FAM83B: variants seen among roughly 807,000 people sequenced by gnomAD.
The protein encoded by FAM83B is protein FAM83B.
Under a neutral mutation model 38.8 loss-of-function variants are expected in FAM83B, and 26 were observed. That is an observed-to-expected ratio of 0.67 (90% CI 0.49 to 0.93). The LOEUF (loss-of-function observed/expected upper bound fraction) is 0.93. FAM83B is among the 40% of genes least tolerant of loss of function. The pLI is 0.00. For missense variants in FAM83B, 1,237 were observed against 1,197.3 expected (o/e 1.03, Z -0.49); for synonymous variants, 419 against 423.1 (o/e 0.99, Z 0.12).
At chr6:54,871,412 C>G (rs1910355) in intron 2 of FAM83B, among the ~76,000 whole-genome samples, 1 of 151,666 alleles carries the variant, frequency 6.6e-6, no homozygotes, top group Non-Finnish European at 1.5e-5. Context: ...CAAGCTCAAT[C>G]TAGAGTTTTA....
chr6:54,873,572 A>AT (rs1771914985), intron 2 of FAM83B, among the ~76,000 whole-genome samples: 1 of 151,810 alleles, frequency 6.6e-6, no homozygotes, highest in Non-Finnish European at 1.5e-5. Context: ...CTGTTTTTGA[A>AT]TTTTTTTCAG....
At chr6:54,880,430 A>G (rs1348871986) in intron 2 of FAM83B, among the ~76,000 whole-genome samples, 1 of 149,854 alleles carries the variant, frequency 6.7e-6, no homozygotes, top group South Asian at 2.1e-4. Context: ...AAATGTATAT[A>G]TAGAAGGTTT....
At chr6:54,880,713 G>A (rs1173804048) in intron 2 of FAM83B, among the ~76,000 whole-genome samples, 1 of 152,126 alleles carries the variant, frequency 6.6e-6, no homozygotes, top group Non-Finnish European at 1.5e-5. Flanking sequence ...CAGGTGCTGG[G>A]ATTAAAGGTG....
chr6:54,878,329 C>A (rs1443254180), intron 2 of FAM83B, among the ~76,000 whole-genome samples: 3 of 152,192 alleles, frequency 2.0e-5, no homozygotes, highest in African/African-American at 7.2e-5. Context: ...CCTGCGTACC[C>A]TTGAATGAAG....
At chr6:54,865,557 G>C (rs1249766573) in intron 1 of FAM83B, among the ~76,000 whole-genome samples, 1 of 152,188 alleles carries the variant, frequency 6.6e-6, no homozygotes, top group African/African-American at 2.4e-5. Context: ...TACTTGGAGA[G>C]AAACAGCTTA....
intron 1 of FAM83B, among the ~76,000 whole-genome samples, chr6:54,847,059 G>T (rs1348537368): frequency 6.6e-6 from 1 of 152,180 alleles, no homozygotes; most frequent in Non-Finnish European, 1.5e-5. Flanking sequence ...CATTGTCGTG[G>T]GGGTTCGAGT....
chr6:54,942,118 G>A lies in FAM83B; in HGVS notation c.*111G>A. ...CTAAGGACAGAATTATGGGTATGAT[G>A]TATATGTTCACCAGTGTCCTAGTAT... On this transcript the variant is annotated 3_prime_UTR_variant, in exon 5 of 5. Transcript: ENST00000306858. 12 of 1,085,776 alleles carry A rather than the reference G, an allele frequency of 1.1e-5. No homozygotes were observed. Among genetic ancestry groups the A allele is most frequent in the Non-Finnish European group, 1.6e-5 (12 of 765,974 alleles). The allele number at this position is 1,085,776 out of a possible 1,614,324, so 67.3% of individuals were successfully genotyped here.
At chr6:54,892,677 T>C (rs1772434038) in intron 2 of FAM83B, among the ~76,000 whole-genome samples, 1 of 149,740 alleles carries the variant, frequency 6.7e-6, no homozygotes, top group African/African-American at 2.4e-5. Context: ...CTCCTCCTAT[T>C]AATATTATAT....
chr6:54,916,319 C>T (rs773768767), intron 2 of FAM83B, among the ~76,000 whole-genome samples: 30 of 152,082 alleles, frequency 2.0e-4, no homozygotes, highest in Admixed American at 9.8e-4. Flanking sequence ...ATAGCTATCT[C>T]GGGACCATGG....
chr6:54,899,709 A>G (rs1040313586), intron 2 of FAM83B, among the ~76,000 whole-genome samples: 7 of 152,244 alleles, frequency 4.6e-5, no homozygotes, highest in South Asian at 2.1e-4. Context: ...TCCATTCATG[A>G]GGCCTCCCAC....
intron 2 of FAM83B, among the ~76,000 whole-genome samples, chr6:54,900,133 C>A (rs146247898): frequency 1.4e-3 from 216 of 152,262 alleles, no homozygotes; most frequent in African/African-American, 4.9e-3. Flanking sequence ...GTTGTACATT[C>A]ATTTCTGTAG....
At chr6:54,916,514 G>A (rs1340310950) in intron 2 of FAM83B, among the ~76,000 whole-genome samples, 2 of 152,046 alleles carry the variant, frequency 1.3e-5, no homozygotes, top group Non-Finnish European at 2.9e-5. Context: ...ATTTTATAGT[G>A]CCAATTGTAA....
Position 54,904,153 on chromosome 6 carries a change from T to G in FAM83B, c.445-22218T>G, listed in dbSNP as rs185854447. Among the ~76,000 whole-genome samples, 292 of 152,274 alleles carry G rather than the reference T, an allele frequency of 1.9e-3. 1 individual carries two copies. Among genetic ancestry groups the G allele is most frequent in the Non-Finnish European group, 3.7e-3 (251 of 68,020 alleles). ...CAATTGTTAAGTTATGAGTCAATGT[T>G]TTTAAAAACTTATAAATGAAAGACT... On this transcript the variant is annotated intron_variant, in intron 2 of 4. Coordinates refer to ENST00000306858, the MANE Select transcript of FAM83B (RefSeq NM_001010872.3).
intron 1 of FAM83B, among the ~76,000 whole-genome samples, chr6:54,865,967 CAT>C (rs1771690837): frequency 6.8e-6 from 1 of 147,990 alleles, no homozygotes; most frequent in Non-Finnish European, 1.5e-5. Context: ...GTAAAATAGT[CAT>C]AATAATAATA....
intron 4 of FAM83B, 109 bp downstream of exon 4, chr6:54,927,741 A>G (rs1773333963): frequency 1.0e-6 from 1 of 998,644 alleles, no homozygotes; most frequent in African/African-American, 1.7e-5. Context: ...AAAAAAAAAA[A>G]AAAAAAAAAA....
intron 2 of FAM83B, among the ~76,000 whole-genome samples, chr6:54,889,341 T>C (rs1166902219): frequency 6.6e-6 from 1 of 152,150 alleles, no homozygotes; most frequent in East Asian, 1.9e-4. Flanking sequence ...TCCCAACATT[T>C]ATTTATGCAG....
rs145506289 is a variant in FAM83B at position 54,875,099 on chromosome 6, C to T, written c.444+4409C>T. On this transcript the variant is annotated intron_variant, in intron 2 of 4. Coordinates refer to ENST00000306858, the MANE Select transcript of FAM83B (RefSeq NM_001010872.3). ...CGTGGCATTAAACAAGTCATTGTAC[C>T]TCCTCAAGTTTCTTCATTTATTTAG... 6.9e-3 allele frequency among the ~76,000 whole-genome samples: 1,057 copies of T among 152,244 alleles called. 25 individuals are homozygous for T. Among genetic ancestry groups the T allele is most frequent in the East Asian group, 0.047 (242 of 5,180 alleles).
At chr6:54,899,153 A>G (rs1772601632) in intron 2 of FAM83B, among the ~76,000 whole-genome samples, 1 of 152,238 alleles carries the variant, frequency 6.6e-6, no homozygotes, top group Non-Finnish European at 1.5e-5. Flanking sequence ...AGAAATAGAA[A>G]AAGTGAGTTT....
intron 3 of FAM83B, among the ~76,000 whole-genome samples, 184 bp from the exon 4 acceptor site, chr6:54,927,324 A>C (rs1440780954): frequency 1.3e-5 from 2 of 152,060 alleles, no homozygotes; most frequent in African/African-American, 2.4e-5. Context: ...CTCCTATTTA[A>C]GCTATATTGA....
Sources: gnomAD v4.1 joint callset for allele counts (sites outside exome capture counted in the v4.1 genomes callset) on GRCh38, gnomAD v4.1.1 for gene constraint, MANE v1.5 for transcripts, NCBI Gene and HGNC (gene_info 2026-07-23, HGNC 2026-07-21) for gene names.